Variants in EFHC1 observed in about 807,000 individuals in gnomAD.
EFHC1 encodes the protein EF-hand domain-containing protein 1.
EFHC1 carries 53 observed loss-of-function variants against 69.9 expected under a neutral mutation model. That is an observed-to-expected ratio of 0.76 (90% CI 0.61 to 0.95). EFHC1 has a LOEUF of 0.95. Among genes scored for constraint, EFHC1 ranks in the 40% least tolerant of loss-of-function variants. EFHC1 has a pLI of 0.00. For missense variants in EFHC1, 739 were observed against 798.7 expected (o/e 0.93, Z 0.90); for synonymous variants, 256 against 278.4 (o/e 0.92, Z 0.80).
At chr6:52,491,398 G>T (rs1445475149) in intron 10 of EFHC1, among the ~76,000 whole-genome samples, 1 of 152,220 alleles carries the variant, frequency 6.6e-6, no homozygotes, top group East Asian at 1.9e-4. Flanking sequence ...TCACAGTCGA[G>T]TTTTAAGGGA....
chr6:52,454,239 C>A lies in EFHC1; in HGVS notation c.868C>A (p.Leu290Ile), dbSNP rs1764989056. Reference sequence around the variant, plus strand: ...GAATGATGGGAGAGATCCTTTCCCACTCCTAATGAACCGCCAGCGTGTGCC... The same window carrying A: ...GAATGATGGGAGAGATCCTTTCCCAATCCTAATGAACCGCCAGCGTGTGCC... Reference protein sequence around the residue: ...ERNDGRDPFPLLMNRQRVPKV... With the variant: ...ERNDGRDPFPILMNRQRVPKV... The change falls in exon 5 of 11, where the codon CTC (leucine) becomes ATC (isoleucine). Residue 290 changes from leucine (L) to isoleucine (I), a missense_variant. Transcript: ENST00000371068. 3 of 1,614,180 alleles carry A rather than the reference C, an allele frequency of 1.9e-6. No individual in the cohort carries two copies. Among genetic ancestry groups the A allele is most frequent in the Non-Finnish European group, 2.5e-6 (3 of 1,180,010 alleles).
At chr6:52,472,691 C>T (rs1039070668) in intron 7 of EFHC1, among the ~76,000 whole-genome samples, 1 of 148,054 alleles carries the variant, frequency 6.8e-6, no homozygotes, top group African/African-American at 2.6e-5. Flanking sequence ...ATATCTTTTA[C>T]ATACAAGAGA....
At chr6:52,457,482 C>G (rs1157458232) in intron 5 of EFHC1, among the ~76,000 whole-genome samples, 1 of 152,140 alleles carries the variant, frequency 6.6e-6, no homozygotes, top group Admixed American at 6.5e-5. Flanking sequence ...TTGTATTAGA[C>G]AGTAATAGGA....
intron 2 of EFHC1, chr6:52,437,609 C>T (rs1297662290): frequency 6.6e-6 from 1 of 152,282 alleles, no homozygotes; most frequent in African/African-American, 2.4e-5. Flanking sequence ...GGTTTGAATT[C>T]TGGTGAGGGC....
intron 3 of EFHC1, among the ~76,000 whole-genome samples, chr6:52,442,536 A>C (rs1031470043): frequency 6.6e-6 from 1 of 151,950 alleles, no homozygotes; most frequent in Admixed American, 6.6e-5. Context: ...ATGAGTGAGA[A>C]TATGCAGTGT....
In EFHC1 at chr6:52,495,817, T is replaced by C; in HGVS notation, c.*3476T>C. On this transcript the variant is annotated 3_prime_UTR_variant, in exon 11 of 11. Transcript: ENST00000371068. ...TGTCCACTTCTTGCCTTGCATCTCC[T>C]TTTAAGTTTACTTAAGACTGAGAAG... 2.8e-6 allele frequency: 1 copy of C among 352,088 alleles called. No individual in the cohort carries two copies. Among genetic ancestry groups the C allele is most frequent in the Non-Finnish European group, 5.6e-6 (1 of 179,378 alleles). The allele number at this position is 352,088 out of a possible 1,614,324, so 21.8% of individuals were successfully genotyped here.
chr6:52,480,002 C>T (rs1039254744), intron 9 of EFHC1: 1 of 767,696 alleles, frequency 1.3e-6, no homozygotes, highest in Admixed American at 2.7e-5. Context: ...GACCCTTGAA[C>T]AATGTGGGAG....
chr6:52,476,096 A>G (rs1765540319), intron 7 of EFHC1, among the ~76,000 whole-genome samples: 1 of 152,094 alleles, frequency 6.6e-6, no homozygotes. Context: ...TGGAAATGAC[A>G]GGTCGGGGGC....
At chr6:52,441,210 A>G (rs1764655585) in intron 3 of EFHC1, among the ~76,000 whole-genome samples, 1 of 152,090 alleles carries the variant, frequency 6.6e-6, no homozygotes, top group African/African-American at 2.4e-5. Flanking sequence ...ATCTTTGCCC[A>G]TTCCTATGTT....
At chr6:52,471,442 G>A (rs903061945) in intron 7 of EFHC1, among the ~76,000 whole-genome samples, 2 of 152,166 alleles carry the variant, frequency 1.3e-5, no homozygotes, top group African/African-American at 4.8e-5. Flanking sequence ...AAAATACAAT[G>A]TGTGGCACTC....
In EFHC1 at chr6:52,438,326, T is replaced by G. The variant is rs112707119; in HGVS notation, c.308T>G (p.Phe103Cys). ...TAGGTACTGAAATTTGATGCCTATT[T>G]CCAAGAAGATGTTCCTATGTCAACT... ...DKKVLKFDAYFQEDVPMSTEE... is the reference protein window; with the variant it reads ...DKKVLKFDAYCQEDVPMSTEE... Residue 103 changes from phenylalanine to cysteine, a missense_variant, in exon 3 of 11, where the codon TTC (phenylalanine) becomes TGC (cysteine). Coordinates refer to ENST00000371068, the MANE Select transcript of EFHC1 (RefSeq NM_018100.4). 1 of 1,613,520 alleles carries G rather than the reference T, an allele frequency of 6.2e-7. No individual in the cohort carries two copies.
At position 52,479,971 on chromosome 6, in the gene EFHC1, A is replaced by C. The variant is rs987530973; in HGVS notation, c.1640+184A>C. The C allele has an allele frequency of 1.1e-5, 10 of 942,128 alleles. No individual in the cohort carries two copies. The African/African-American group carries it at 1.6e-4, about 16-fold the overall frequency. The allele number at this position is 942,128 out of a possible 1,614,324, so 58.4% of individuals were successfully genotyped here. A position where few individuals can be genotyped will look rare whatever the true frequency, so the allele number is the denominator to read the frequency against. On this transcript the variant is annotated intron_variant, in intron 9 of 10. Coordinates refer to ENST00000371068, the MANE Select transcript of EFHC1 (RefSeq NM_018100.4). ...AGTAACTTAGAACTTTTTCAACTTC[A>C]TTTGTTTAGCAAATACAGTTGACCC...
chr6:52,477,087 A>C (rs1765559802), intron 7 of EFHC1, among the ~76,000 whole-genome samples: 2 of 152,108 alleles, frequency 1.3e-5, no homozygotes, highest in South Asian at 2.1e-4. Context: ...TTCCTGCCAT[A>C]ATAAACCATT....
chr6:52,426,651 G>A (rs1232238047), intron 2 of EFHC1, among the ~76,000 whole-genome samples: 1 of 152,092 alleles, frequency 6.6e-6, no homozygotes, highest in African/African-American at 2.4e-5. Context: ...AGTTCTGTAT[G>A]TCTCTAACTT....
chr6:52,471,356 C>T (rs758704576), intron 7 of EFHC1, among the ~76,000 whole-genome samples: 2 of 152,132 alleles, frequency 1.3e-5, no homozygotes, highest in Non-Finnish European at 2.9e-5. Flanking sequence ...TATAATAACC[C>T]CAGGTGACTG....
intron 7 of EFHC1, among the ~76,000 whole-genome samples, chr6:52,470,254 AAG>A (rs1765407135): frequency 6.6e-6 from 1 of 152,208 alleles, no homozygotes; most frequent in Admixed American, 6.5e-5. Context: ...TTTAAATAAA[AAG>A]AGAGTTCTGG....
At chr6:52,491,187 G>A (rs1351282560) in intron 10 of EFHC1, among the ~76,000 whole-genome samples, 1 of 152,126 alleles carries the variant, frequency 6.6e-6, no homozygotes, top group Non-Finnish European at 1.5e-5. Flanking sequence ...TGTTCATGTG[G>A]ACCAAACACA....
chr6:52,444,004 G>A (rs1000849318), intron 3 of EFHC1, among the ~76,000 whole-genome samples: 7 of 152,166 alleles, frequency 4.6e-5, no homozygotes, highest in South Asian at 2.1e-4. Flanking sequence ...GGTCCTTCAT[G>A]TCCCTTGTAA....
At chr6:52,421,429 CTT>C (rs1415819224) in intron 1 of EFHC1, among the ~76,000 whole-genome samples, 2 of 144,024 alleles carry the variant, frequency 1.4e-5, no homozygotes, top group Non-Finnish European at 1.5e-5. Flanking sequence ...AGCTTGGATT[CTT>C]TTTTTTTTTT....
Sources: allele counts gnomAD v4.1 joint callset (sites outside exome capture counted in the v4.1 genomes callset), GRCh38; gene constraint gnomAD v4.1.1; transcripts MANE v1.5; gene names NCBI Gene and HGNC (gene_info 2026-07-23, HGNC 2026-07-21).